The following SYNDIG1L variants were observed in gnomAD, a reference collection of about 807,000 sequenced individuals.
The protein encoded by SYNDIG1L is synapse differentiation-inducing gene protein 1-like.
A neutral mutation model predicts 20.1 loss-of-function variants in SYNDIG1L; 13 were observed. The ratio of observed to expected loss-of-function variants is 0.65; its 90% CI spans 0.42 to 1.03. The LOEUF (loss-of-function observed/expected upper bound fraction) is 1.03, where lower values mean the gene tolerates loss of function less well. SYNDIG1L is among the 50% of genes least tolerant of loss of function. The pLI, the probability that SYNDIG1L is intolerant of heterozygous loss-of-function variation, is 0.00. For missense variants in SYNDIG1L, 294 were observed against 305.1 expected (o/e 0.96, Z 0.27); for synonymous variants, 128 against 129.3 (o/e 0.99, Z 0.07).
At chr14:74,418,953 C>T (rs551909457) in intron 1 of SYNDIG1L, among the ~76,000 whole-genome samples, 58 of 152,288 alleles carry the variant, frequency 3.8e-4, no homozygotes, top group Non-Finnish European at 5.6e-4. Context: ...CCTCCGAAGT[C>T]GTGAAGTATA....
chr14:74,478,415 G>A, the SYNDIG1L span, among the ~76,000 whole-genome samples: 2 of 152,202 alleles, frequency 1.3e-5, no homozygotes, highest in Non-Finnish European at 2.9e-5. Context: ...ACTTAGATAT[G>A]TAAATTATTT....
At chr14:74,459,669 C>CA in the SYNDIG1L span, among the ~76,000 whole-genome samples, 1 of 152,212 alleles carries the variant, frequency 6.6e-6, no homozygotes, top group African/African-American at 2.4e-5. Context: ...TGTGGGGGGA[C>CA]ATGCAGCCCC....
At chr14:74,443,284 C>T in the SYNDIG1L span, among the ~76,000 whole-genome samples, 1 of 152,080 alleles carries the variant, frequency 6.6e-6, no homozygotes, top group Non-Finnish European at 1.5e-5. Flanking sequence ...GAAAGCAATT[C>T]GTGAAAGAGG....
chr14:74,428,739 G>A (rs530266821), upstream of SYNDIG1L, among the ~76,000 whole-genome samples: 14 of 152,304 alleles, frequency 9.2e-5, no homozygotes, highest in African/African-American at 2.4e-4. Flanking sequence ...GAACAGATGA[G>A]CCTGGAGGAC....
At chr14:74,416,583 A>T (rs983948012) in intron 1 of SYNDIG1L, among the ~76,000 whole-genome samples, 26 of 152,218 alleles carry the variant, frequency 1.7e-4, no homozygotes, top group African/African-American at 5.8e-4. Flanking sequence ...GCAGTGAGCC[A>T]TGATTGCACC....
At chr14:74,477,583 T>A in the SYNDIG1L span, among the ~76,000 whole-genome samples, 1 of 152,024 alleles carries the variant, frequency 6.6e-6, no homozygotes, top group Admixed American at 6.6e-5. Flanking sequence ...AAAAACCAAA[T>A]ATGCAGGATT....
the SYNDIG1L span, among the ~76,000 whole-genome samples, chr14:74,444,167 A>G: frequency 6.6e-6 from 1 of 151,932 alleles, no homozygotes; most frequent in African/African-American, 2.4e-5. Context: ...TCCCGGATTC[A>G]AGAGGCCTCA....
At chr14:74,468,213 GA>G in the SYNDIG1L span, among the ~76,000 whole-genome samples, 1 of 152,234 alleles carries the variant, frequency 6.6e-6, no homozygotes, top group South Asian at 2.1e-4. Context: ...CCATCACAAA[GA>G]GCCAACCCTT....
At chr14:74,423,088 G>A (rs901358273) in intron 1 of SYNDIG1L, among the ~76,000 whole-genome samples, 1 of 152,014 alleles carries the variant, frequency 6.6e-6, no homozygotes, top group African/African-American at 2.4e-5. Context: ...TGTGCCATAT[G>A]CCAGGGTTGA....
chr14:74,460,948 C>G, the SYNDIG1L span, among the ~76,000 whole-genome samples: 1 of 152,026 alleles, frequency 6.6e-6, no homozygotes, highest in Non-Finnish European at 1.5e-5. Flanking sequence ...CTGTGCCTGG[C>G]TTCTTTTAAT....
chr14:74,439,566 A>T, the SYNDIG1L span, among the ~76,000 whole-genome samples: 1 of 152,126 alleles, frequency 6.6e-6, no homozygotes, highest in Non-Finnish European at 1.5e-5. Flanking sequence ...TACATTTACA[A>T]TATATTGTTC....
At chr14:74,453,352 C>CA in the SYNDIG1L span, among the ~76,000 whole-genome samples, 172 of 26,776 alleles carry the variant, frequency 6.4e-3, 46 homozygotes, top group East Asian at 0.018. Flanking sequence ...GACTCTGTCT[C>CA]AAAAAAAAAA....
chr14:74,448,769 A>G, the SYNDIG1L span, among the ~76,000 whole-genome samples: 1 of 152,210 alleles, frequency 6.6e-6, no homozygotes, highest in Non-Finnish European at 1.5e-5. Context: ...ATATTTAAAA[A>G]CTAAACAATA....
At chr14:74,471,596 TCACACACACACACACACACATA>T in the SYNDIG1L span, among the ~76,000 whole-genome samples, 1 of 149,712 alleles carries the variant, frequency 6.7e-6, no homozygotes. Context: ...AGACCCTATC[TCACACACACACACACACACATA>T]CACACACACA....
chr14:74,410,042 C>T (rs1395785147), intron 1 of SYNDIG1L, among the ~76,000 whole-genome samples: 1 of 152,228 alleles, frequency 6.6e-6, no homozygotes, highest in Non-Finnish European at 1.5e-5. Context: ...CCATTCAACA[C>T]ATATTTACTG....
chr14:74,434,103 G>T, the SYNDIG1L span, among the ~76,000 whole-genome samples: 2 of 152,128 alleles, frequency 1.3e-5, no homozygotes, highest in Non-Finnish European at 2.9e-5. Context: ...AATCTTAGGA[G>T]GAATTAAAAC....
At chr14:74,434,421 G>A in the SYNDIG1L span, among the ~76,000 whole-genome samples, 1 of 152,008 alleles carries the variant, frequency 6.6e-6, no homozygotes, top group East Asian at 1.9e-4. Flanking sequence ...ATTTCTAAAG[G>A]ATTATGTTCT....
chr14:74,411,784 C>T (rs2086132667), intron 1 of SYNDIG1L, among the ~76,000 whole-genome samples: 1 of 152,180 alleles, frequency 6.6e-6, no homozygotes, highest in East Asian at 1.9e-4. Flanking sequence ...AAGACACTAC[C>T]CGTGGCTCTC....
the SYNDIG1L span, among the ~76,000 whole-genome samples, chr14:74,470,261 G>T: frequency 1.3e-5 from 2 of 151,960 alleles, no homozygotes; most frequent in African/African-American, 4.8e-5. Context: ...TGACATGGGT[G>T]CAGCCTGGCC....
Sources: gnomAD v4.1 joint callset for allele counts (sites outside exome capture counted in the v4.1 genomes callset) on GRCh38, gnomAD v4.1.1 for gene constraint, MANE v1.5 for transcripts, NCBI Gene and HGNC (gene_info 2026-07-23, HGNC 2026-07-21) for gene names.